Variants in KIFAP3 observed in about 807,000 individuals in gnomAD.
KIFAP3 encodes kinesin associated protein 3, also known as kinesin-associated protein 3.
In KIFAP3, 68 loss-of-function variants were observed where a neutral mutation model predicts 106.5. The observed-to-expected ratio is 0.64, with a 90% CI of 0.53 to 0.78. The LOEUF is 0.78. Among genes scored for constraint, KIFAP3 ranks in the 30% least tolerant of loss-of-function variants. The pLI, the probability that KIFAP3 is intolerant of heterozygous loss-of-function variation, is 0.00. For missense variants in KIFAP3, 780 were observed against 941.8 expected (o/e 0.83, Z 2.25); for synonymous variants, 320 against 311.5 (o/e 1.03, Z -0.29).
chr1:170,017,653 C>A (rs535420936), intron 9 of KIFAP3, among the ~76,000 whole-genome samples: 15 of 152,256 alleles, frequency 9.9e-5, no homozygotes, highest in African/African-American at 3.6e-4. Flanking sequence ...ATTACACAGG[C>A]AGTGAAGTGT....
intron 19 of KIFAP3, among the ~76,000 whole-genome samples, chr1:169,936,281 G>C (rs1209440574): frequency 6.6e-6 from 1 of 151,652 alleles, no homozygotes; most frequent in East Asian, 1.9e-4. Context: ...CCATGAGATG[G>C]GAGTCATAGA....
chr1:169,999,336 C>T (rs560393785), intron 10 of KIFAP3, among the ~76,000 whole-genome samples: 7 of 152,274 alleles, frequency 4.6e-5, no homozygotes, highest in African/African-American at 1.4e-4. Flanking sequence ...GATTCCTCTA[C>T]ATCCTACAAA....
intron 15 of KIFAP3, among the ~76,000 whole-genome samples, chr1:169,980,191 A>C (rs1666443108): frequency 6.6e-6 from 1 of 152,176 alleles, no homozygotes; most frequent in Non-Finnish European, 1.5e-5. Context: ...TGATAATAAC[A>C]TGGGTATGCT....
At chr1:169,928,752 G>A (rs1270321157) in intron 19 of KIFAP3, among the ~76,000 whole-genome samples, 2 of 145,688 alleles carry the variant, frequency 1.4e-5, no homozygotes, top group Non-Finnish European at 3.0e-5. Flanking sequence ...GTTGGGGACT[G>A]AGACTAAAGG....
intron 2 of KIFAP3, among the ~76,000 whole-genome samples, chr1:170,053,857 G>T (rs1038161904): frequency 6.6e-6 from 1 of 152,104 alleles, no homozygotes; most frequent in South Asian, 2.1e-4. Context: ...ATGGATTAAA[G>T]ACTTAAATGT....
chr1:169,973,110 T>TATATATATATATAA lies in KIFAP3; in HGVS notation c.1898-526_1898-513dup, dbSNP rs1354356870. Among the ~76,000 whole-genome samples the TATATATATATATAA allele has an allele frequency of 1.4e-5, 2 of 138,202 alleles. 1 individual carries two copies. The highest frequency in any genetic ancestry group is 4.4e-4 in the East Asian group (2 of 4,534). 90.7% of individuals were successfully genotyped at this position (138,202 alleles called of 152,430 possible). On this transcript the variant is annotated intron_variant, in intron 16 of 19. Coordinates refer to ENST00000361580, the MANE Select transcript of KIFAP3 (RefSeq NM_014970.4). ...AATAATTTAAAAAATAGTGTGTATA[T>TATATATATATATAA]ATATATATATATAAACAACACAAAT...
At position 170,034,373 on chromosome 1, in the gene KIFAP3, A is replaced by G; in HGVS notation, c.741T>C (p.Ala247=). ...TCAAATGCCACTCTAAAAGGATATC[A>G]GCTTTCTTCTTCTTTGAGAGTTCTT... ...WQEELSKKKK[A]VDEDPENQTL... is the part of the protein sequence containing the mutation. Residue 247 remains alanine (A), a splice_region_variant and synonymous_variant, in exon 7 of 20, where the codon GCT becomes GCC. Transcript: ENST00000361580. 6.2e-7 allele frequency: 1 copy of G among 1,605,230 alleles called. No individual in the cohort carries two copies. Among genetic ancestry groups the G allele is most frequent in the Non-Finnish European group, 8.5e-7 (1 of 1,176,242 alleles).
chr1:169,994,849 T>C (rs1026399768), intron 10 of KIFAP3, among the ~76,000 whole-genome samples: 1 of 152,000 alleles, frequency 6.6e-6, no homozygotes, highest in Non-Finnish European at 1.5e-5. Context: ...ACAAAATTTA[T>C]AAAGAAGAGA....
intron 1 of KIFAP3, among the ~76,000 whole-genome samples, chr1:170,062,528 A>C (rs1037759800): frequency 2.6e-5 from 4 of 152,194 alleles, no homozygotes; most frequent in Admixed American, 2.6e-4. Context: ...AGCTCTGGTC[A>C]AGGTCATCAA....
At chr1:170,024,026 T>C (rs1028257997) in intron 9 of KIFAP3, 4 of 153,400 alleles carry the variant, frequency 2.6e-5, no homozygotes, top group Non-Finnish European at 4.4e-5. Flanking sequence ...AGTGGAAGTG[T>C]AGGTAACAAT....
intron 1 of KIFAP3, among the ~76,000 whole-genome samples, chr1:170,070,504 C>A (rs1671651648): frequency 6.6e-6 from 1 of 151,976 alleles, no homozygotes; most frequent in Non-Finnish European, 1.5e-5. Context: ...CATTTTTGGT[C>A]ATTTAATTTT....
rs142167691 is a variant in KIFAP3 at position 170,019,441 on chromosome 1, A to C, written c.1021-2817T>G. On this transcript the variant is annotated intron_variant, in intron 9 of 19. Transcript: ENST00000361580. ...ATTCTCAAAAATAATTAGCTAATAAAACTTAGCAATATATATAAAAGAGCA... is the reference window on the plus strand; with the variant it reads ...ATTCTCAAAAATAATTAGCTAATAACACTTAGCAATATATATAAAAGAGCA... Among the ~76,000 whole-genome samples, 249 of 152,238 alleles carry C rather than the reference A, an allele frequency of 1.6e-3. 3 individuals are homozygous for C. In the East Asian group the frequency reaches 0.043, roughly 26 times the overall value.
chr1:170,062,601 AT>A (rs1331664844), intron 1 of KIFAP3, among the ~76,000 whole-genome samples: 2 of 152,124 alleles, frequency 1.3e-5, no homozygotes, highest in East Asian at 1.9e-4. Context: ...TCTGTATATT[AT>A]TTTTGTATTT....
chr1:170,022,516 G>T (rs2102018391), intron 9 of KIFAP3, among the ~76,000 whole-genome samples: 1 of 152,018 alleles, frequency 6.6e-6, no homozygotes, highest in East Asian at 1.9e-4. Flanking sequence ...ACTCTAATTT[G>T]CTTCCTTAAG....
intron 19 of KIFAP3, among the ~76,000 whole-genome samples, chr1:169,953,557 C>G (rs1033958478): frequency 2.6e-5 from 4 of 152,144 alleles, no homozygotes; most frequent in Admixed American, 2.0e-4. Flanking sequence ...CTCTGTCACC[C>G]AGGCTGGAGT....
At chr1:170,011,634 T>C (rs1213839347) in intron 10 of KIFAP3, among the ~76,000 whole-genome samples, 4 of 152,010 alleles carry the variant, frequency 2.6e-5, no homozygotes, top group East Asian at 1.9e-4. Context: ...TTTTTAACCT[T>C]AGGAAAAATA....
At chr1:170,006,913 T>G (rs1212180559) in intron 10 of KIFAP3, among the ~76,000 whole-genome samples, 1 of 152,094 alleles carries the variant, frequency 6.6e-6, no homozygotes, top group Non-Finnish European at 1.5e-5. Context: ...GTAGTAAGCA[T>G]AGATAAAGTC....
At chr1:169,945,573 T>G (rs1191737194) in intron 19 of KIFAP3, among the ~76,000 whole-genome samples, 1 of 152,232 alleles carries the variant, frequency 6.6e-6, no homozygotes, top group Non-Finnish European at 1.5e-5. Flanking sequence ...AATTTGGTTT[T>G]ATTTGGGAGC....
At chr1:170,053,537 A>AAACAC (rs1670683886) in intron 2 of KIFAP3, among the ~76,000 whole-genome samples, 1 of 152,252 alleles carries the variant, frequency 6.6e-6, no homozygotes. Flanking sequence ...GTTCTAAGCA[A>AAACAC]AAAACAAAAC....
Sources: allele counts gnomAD v4.1 joint callset (sites outside exome capture counted in the v4.1 genomes callset), GRCh38; gene constraint gnomAD v4.1.1; transcripts MANE v1.5; gene names NCBI Gene and HGNC (gene_info 2026-07-23, HGNC 2026-07-21).